Variants in LIFR observed in about 807,000 individuals in gnomAD.
LIFR encodes the protein LIF receptor subunit alpha.
A neutral mutation model predicts 122.2 loss-of-function variants in LIFR; 84 were observed. That is an observed-to-expected ratio of 0.69 (90% CI 0.58 to 0.82). LIFR has a LOEUF of 0.82. Among genes scored for constraint, LIFR ranks in the 40% least tolerant of loss-of-function variants. The pLI is 0.00. For missense variants in LIFR, 1,294 were observed against 1,311.6 expected (o/e 0.99, Z 0.21); for synonymous variants, 422 against 434.7 (o/e 0.97, Z 0.36).
At chr5:38,547,093 G>A (rs1477188115) in intron 1 of LIFR, among the ~76,000 whole-genome samples, 1 of 152,178 alleles carries the variant, frequency 6.6e-6, no homozygotes. Flanking sequence ...GCCAGTTCCA[G>A]TGGGGGCAAG....
rs886060621 is a variant in LIFR at position 38,480,293 on chromosome 5, A to C, written c.*1302T>G. Reference sequence around the variant, plus strand: ...TTCTGCTTTTCCAAGAACCACAATCACTCCAGACATCGCTTATGAGAAACA... The same window carrying C: ...TTCTGCTTTTCCAAGAACCACAATCCCTCCAGACATCGCTTATGAGAAACA... On this transcript the variant is annotated 3_prime_UTR_variant, in exon 20 of 20. Coordinates refer to ENST00000453190, the MANE Select transcript of LIFR (RefSeq NM_001127671.2). The C allele has an allele frequency of 6.2e-5, 14 of 227,370 alleles. No individual in the cohort carries two copies. The highest frequency in any genetic ancestry group is 2.9e-4 in the African/African-American group (13 of 44,944). 14.1% of individuals were successfully genotyped at this position (227,370 alleles called of 1,614,324 possible). A position where few individuals can be genotyped will look rare whatever the true frequency, so the allele number is the denominator to read the frequency against.
At chr5:38,509,236 G>A (rs1387855222) in intron 7 of LIFR, among the ~76,000 whole-genome samples, 2 of 152,042 alleles carry the variant, frequency 1.3e-5, no homozygotes, top group African/African-American at 2.4e-5. Flanking sequence ...TACTGCTCAC[G>A]AAGCAACTTC....
intron 1 of LIFR, among the ~76,000 whole-genome samples, chr5:38,580,912 A>C (rs894610187): frequency 1.3e-5 from 2 of 151,916 alleles, no homozygotes; most frequent in Non-Finnish European, 2.9e-5. Context: ...ACCACTTTCT[A>C]GGCTTCTGAG....
chr5:38,523,861 A>C (rs1264920187), intron 4 of LIFR, among the ~76,000 whole-genome samples: 2 of 152,206 alleles, frequency 1.3e-5, no homozygotes, highest in Non-Finnish European at 2.9e-5. Flanking sequence ...ATATTCTCTC[A>C]AATTTCTGAA....
At position 38,475,625 on chromosome 5, in the gene LIFR, CATTCTACA is replaced by C. The variant is rs1316305202; in HGVS notation, c.*5962_*5969del. 1.1e-5 allele frequency: 2 copies of C among 185,822 alleles called. No individual in the cohort carries two copies. Among genetic ancestry groups the C allele is most frequent in the Admixed American group, 1.2e-4 (2 of 16,112 alleles). 11.5% of individuals were successfully genotyped at this position (185,822 alleles called of 1,614,324 possible). A position where few individuals can be genotyped will look rare whatever the true frequency, so the allele number is the denominator to read the frequency against. On this transcript the variant is annotated 3_prime_UTR_variant, in exon 20 of 20. Transcript: ENST00000453190. ...ATAATACTCACTTTAAAAAAACATT[CATTCTACA>C]AACCTTATAAAAGACAGAAACTTAT... is the stretch of plus-strand genomic sequence containing the variant.
At chr5:38,601,121 A>C (rs1686434841) in intron 2 of LIFR, among the ~76,000 whole-genome samples, 1 of 152,184 alleles carries the variant, frequency 6.6e-6, no homozygotes, top group Non-Finnish European at 1.5e-5. Context: ...TTTGGAAGGT[A>C]TTTAGGATTA....
intron 7 of LIFR, among the ~76,000 whole-genome samples, chr5:38,509,880 T>G (rs1034926027): frequency 1.3e-5 from 2 of 152,160 alleles, no homozygotes; most frequent in Non-Finnish European, 2.9e-5. Context: ...CCATGGAATT[T>G]TAGACTGTGG....
chr5:38,538,773 T>C (rs1747425250), intron 1 of LIFR, among the ~76,000 whole-genome samples: 1 of 152,244 alleles, frequency 6.6e-6, no homozygotes, highest in South Asian at 2.1e-4. Flanking sequence ...CCATCTTCCA[T>C]AGTGAGTTGC....
At chr5:38,486,150 A>T (rs2112378852) in intron 16 of LIFR, among the ~76,000 whole-genome samples, 170 bp from the exon 17 acceptor site, 1 of 152,258 alleles carries the variant, frequency 6.6e-6, no homozygotes, top group Non-Finnish European at 1.5e-5. Context: ...CACGCCAGTC[A>T]TTAGCTGTGT....
rs1277552744 is a variant in LIFR, at chr5:38,576,804, TC to T, written c.-20+18456del. On this transcript the variant is annotated intron_variant, in intron 1 of 19. Transcript: ENST00000263409. The stretch of plus-strand genomic sequence containing the variant: ...GTATTATTTCTATCTCAGATTTTCT[TC>T]ATGCCTGTTATAGGGAGGGATTCGG... Among the ~76,000 whole-genome samples the T allele has an allele frequency of 6.6e-5, 10 of 152,344 alleles. No individual in the cohort carries two copies. The East Asian group carries it at 1.9e-3, about 29-fold the overall frequency.
At chr5:38,495,410 C>T (rs1253164940) in intron 13 of LIFR, among the ~76,000 whole-genome samples, 1 of 152,162 alleles carries the variant, frequency 6.6e-6, no homozygotes, top group East Asian at 1.9e-4. Context: ...TAAGCCCCTC[C>T]TCCCAGCACC....
At position 38,485,111 on chromosome 5, in the gene LIFR, C is replaced by A. The variant is rs75261849; in HGVS notation, c.2498-243G>T. ...GATACTTGTGACATTTTAGGCCAGA[C>A]AGATCTTCACTAGAGGATCAGGGGA... On this transcript the variant is annotated intron_variant, in intron 17 of 19. Transcript: ENST00000453190. Among the ~76,000 whole-genome samples the A allele has an allele frequency of 0.03, 4,622 of 152,244 alleles. 268 individuals are homozygous for A. The highest frequency in any genetic ancestry group is 0.1 in the African/African-American group (4,352 of 41,516).
intron 1 of LIFR, among the ~76,000 whole-genome samples, chr5:38,567,673 G>A (rs1240481506): frequency 6.6e-6 from 1 of 151,724 alleles, no homozygotes; most frequent in Admixed American, 6.6e-5. Flanking sequence ...GGACTACAGG[G>A]GCATGCCACC....
chr5:38,493,380 C>T (rs960238725), intron 14 of LIFR, among the ~76,000 whole-genome samples: 1 of 152,098 alleles, frequency 6.6e-6, no homozygotes, highest in African/African-American at 2.4e-5. Context: ...TAGATTAAAT[C>T]TGTGTTGTTC....
At position 38,489,265 on chromosome 5, in the gene LIFR, AT is replaced by A. The variant is rs1361288260; in HGVS notation, c.2168-21del. ...TGGGAGCTGTAAAAGGAAAAAGTCA[AT>A]TGCTAAAGGGGAGTGTATGAATACA... On this transcript the variant is annotated intron_variant, in intron 15 of 19. Coordinates refer to ENST00000453190, the MANE Select transcript of LIFR (RefSeq NM_001127671.2). 4 of 1,597,262 alleles carry A rather than the reference AT, an allele frequency of 2.5e-6. No homozygotes were observed. Among genetic ancestry groups the A allele is most frequent in the East Asian group, 4.5e-5 (2 of 44,664 alleles).
intron 1 of LIFR, among the ~76,000 whole-genome samples, chr5:38,577,505 A>G (rs569705248): frequency 6.6e-6 from 1 of 152,094 alleles, no homozygotes; most frequent in East Asian, 1.9e-4. Context: ...TCTTCCTCCC[A>G]CAAGAACCTG....
At chr5:38,589,908 C>A (rs1749868788) in intron 1 of LIFR, among the ~76,000 whole-genome samples, 1 of 152,156 alleles carries the variant, frequency 6.6e-6, no homozygotes, top group Non-Finnish European at 1.5e-5. Context: ...CTACTTTTCA[C>A]TGTTTAGAAA....
chr5:38,510,725 A>G lies in LIFR; in HGVS notation c.737-7T>C, dbSNP rs1580074737. On this transcript the variant is annotated splice_polypyrimidine_tract_variant and splice_region_variant and intron_variant, in intron 6 of 19. Transcript: ENST00000453190. ...GTCTGAGAATCAGGTATCCCTAGAA[A>G]GAAAAAGAGGAATTATAAACATTTT... 1 of 1,604,838 alleles carries G rather than the reference A, an allele frequency of 6.2e-7. No homozygotes were observed. Among genetic ancestry groups the G allele is most frequent in the Non-Finnish European group, 8.5e-7 (1 of 1,172,486 alleles).
In LIFR at chr5:38,485,886, G is replaced by T. The variant is rs764803183; in HGVS notation, c.2430C>A (p.Val810=). The change falls in exon 17 of 20, where the codon GTC becomes GTA. Residue 810 remains valine (V), a synonymous_variant. Coordinates refer to ENST00000453190, the MANE Select transcript of LIFR (RefSeq NM_001127671.2). ...DLQGKTSYHL[V]LRAYTDGGVG... ...CTCCACCATCTGTATAGGCTCGCAAGACCAGGTGGTAACTTGTTTTACCTT... is the reference window on the plus strand; with the variant it reads ...CTCCACCATCTGTATAGGCTCGCAATACCAGGTGGTAACTTGTTTTACCTT... 2 of 1,614,026 alleles carry T rather than the reference G, an allele frequency of 1.2e-6. No homozygotes were observed. The highest frequency in any genetic ancestry group is 2.7e-5 in the African/African-American group (2 of 74,920).
Sources: allele counts gnomAD v4.1 joint callset (sites outside exome capture counted in the v4.1 genomes callset), GRCh38; gene constraint gnomAD v4.1.1; transcripts MANE v1.5; gene names NCBI Gene and HGNC (gene_info 2026-07-23, HGNC 2026-07-21).